CDH8: variants seen among roughly 807,000 people sequenced by gnomAD.
CDH8 encodes cadherin 8.
CDH8 carries 17 observed loss-of-function variants against 68.1 expected under a neutral mutation model. The observed-to-expected ratio is 0.25, with a 90% CI of 0.17 to 0.37. CDH8 has a LOEUF of 0.37. Among genes scored for constraint, CDH8 ranks in the 10% least tolerant of loss-of-function variants. The probability of loss-of-function intolerance (pLI) is 1.00; values close to 1 mark genes in which losing one functional copy is unlikely to be tolerated. For missense variants in CDH8, 763 were observed against 999.3 expected (o/e 0.76, Z 3.19); for synonymous variants, 372 against 365.1 (o/e 1.02, Z -0.21).
chr16:61,708,853 A>C (rs1964579184), intron 10 of CDH8, among the ~76,000 whole-genome samples: 1 of 152,208 alleles, frequency 6.6e-6, no homozygotes. Context: ...TTTATGATTC[A>C]ACATTGAAGA....
chr16:61,793,285 G>T (rs774939723), intron 7 of CDH8, among the ~76,000 whole-genome samples: 3 of 151,688 alleles, frequency 2.0e-5, no homozygotes, highest in Non-Finnish European at 4.4e-5. Flanking sequence ...AGTTACATGT[G>T]CAGGATGTGC....
chr16:62,021,527 A>T lies in CDH8; in HGVS notation c.-124T>A. ...ACTTACAGCTCTGCCACGTGTCTAT[A>T]GCACGGGAAACAGACATCATCTAAG... On this transcript the variant is annotated 5_prime_UTR_variant, in exon 2 of 12. Coordinates refer to ENST00000577390, the MANE Select transcript of CDH8 (RefSeq NM_001796.5). The T allele has an allele frequency of 6.8e-7, 1 of 1,470,518 alleles. No individual in the cohort carries two copies. Among genetic ancestry groups the T allele is most frequent in the East Asian group, 2.3e-5 (1 of 42,946 alleles). 91.1% of individuals were successfully genotyped at this position (1,470,518 alleles called of 1,614,324 possible).
intron 3 of CDH8, among the ~76,000 whole-genome samples, chr16:61,895,052 G>A (rs561536006): frequency 3.7e-4 from 56 of 151,980 alleles, no homozygotes; most frequent in Non-Finnish European, 7.1e-4. Flanking sequence ...GAATTTCTAC[G>A]TGATGTATAG....
At chr16:61,930,270 AACACACACAC>A (rs369686237) in intron 2 of CDH8, among the ~76,000 whole-genome samples, 6 of 144,354 alleles carry the variant, frequency 4.2e-5, no homozygotes, top group East Asian at 2.0e-4. Flanking sequence ...AAAGTTAGAA[AACACACACAC>A]ACACACACAC....
chr16:61,798,784 T>C (rs918588863), intron 7 of CDH8, among the ~76,000 whole-genome samples: 3 of 152,208 alleles, frequency 2.0e-5, no homozygotes, highest in Non-Finnish European at 2.9e-5. Context: ...AACACTCCTA[T>C]AGTATGTTTG....
At chr16:61,690,637 T>TTTG (rs150718158) in intron 10 of CDH8, among the ~76,000 whole-genome samples, 21 of 151,888 alleles carry the variant, frequency 1.4e-4, no homozygotes, top group South Asian at 4.2e-4. Flanking sequence ...CTTTCTGGTC[T>TTTG]TTGTTGTTGT....
intron 1 of CDH8, among the ~76,000 whole-genome samples, chr16:62,029,538 C>A (rs184349851): frequency 6.6e-6 from 1 of 152,278 alleles, no homozygotes; most frequent in Non-Finnish European, 1.5e-5. Flanking sequence ...CCAGAACGAA[C>A]CACATCTTTC....
chr16:61,816,640 A>C (rs946616066), intron 7 of CDH8, among the ~76,000 whole-genome samples: 1 of 152,140 alleles, frequency 6.6e-6, no homozygotes, highest in African/African-American at 2.4e-5. Context: ...CCAACACTTC[A>C]CCCTTGGAGA....
rs75354389 is a variant in CDH8, at chr16:61,872,346, T to C, written c.548-15108A>G. ...GTGGTTGGGATACAGATTGTTTCTA[T>C]GCATTTTACGGAGACATGAGACATA... On this transcript the variant is annotated intron_variant, in intron 3 of 11. Coordinates refer to ENST00000577390, the MANE Select transcript of CDH8 (RefSeq NM_001796.5). Among the ~76,000 whole-genome samples, 240 of 152,328 alleles carry C rather than the reference T, an allele frequency of 1.6e-3. 6 individuals carry two copies. In the East Asian group the frequency reaches 0.022, roughly 14 times the overall value.
At chr16:61,779,178 T>C (rs975402759) in intron 8 of CDH8, among the ~76,000 whole-genome samples, 3 of 152,146 alleles carry the variant, frequency 2.0e-5, no homozygotes, top group Admixed American at 2.0e-4. Context: ...CAGAGAGTTT[T>C]GAAACTTTCT....
At chr16:61,955,061 A>G (rs1039038722) in intron 2 of CDH8, among the ~76,000 whole-genome samples, 2 of 152,232 alleles carry the variant, frequency 1.3e-5, no homozygotes, top group Non-Finnish European at 2.9e-5. Flanking sequence ...CCATAGACCT[A>G]CTAAATGTGT....
intron 10 of CDH8, among the ~76,000 whole-genome samples, chr16:61,664,421 T>C (rs1450950137): frequency 6.6e-6 from 1 of 151,942 alleles, no homozygotes; most frequent in East Asian, 1.9e-4. Context: ...CAGCAAATAT[T>C]TGCTGAATAA....
chr16:61,854,972 T>C (rs1963014000), intron 4 of CDH8, among the ~76,000 whole-genome samples: 1 of 152,184 alleles, frequency 6.6e-6, no homozygotes, highest in Non-Finnish European at 1.5e-5. Context: ...TTATGTTTCA[T>C]CTAAAGAACT....
chr16:61,669,005 G>T (rs1019631193), intron 10 of CDH8, among the ~76,000 whole-genome samples: 1 of 152,016 alleles, frequency 6.6e-6, no homozygotes, highest in Non-Finnish European at 1.5e-5. Flanking sequence ...CTTTAATACT[G>T]TGAATAGAGA....
chr16:61,927,669 G>A (rs532576150), intron 2 of CDH8, among the ~76,000 whole-genome samples: 18 of 152,184 alleles, frequency 1.2e-4, no homozygotes, highest in South Asian at 2.1e-4. Context: ...GTGGCACCCC[G>A]TCAGGCACCC....
chr16:61,704,103 G>T (rs1210853020), intron 10 of CDH8, among the ~76,000 whole-genome samples: 1 of 151,986 alleles, frequency 6.6e-6, no homozygotes. Context: ...AAACTTTTTT[G>T]GACAATCCCT....
chr16:62,009,384 C>T (rs921119126), intron 2 of CDH8, among the ~76,000 whole-genome samples: 2 of 152,154 alleles, frequency 1.3e-5, no homozygotes, highest in Non-Finnish European at 2.9e-5. Context: ...AGTCACTGCA[C>T]AGAGCTAAGT....
chr16:61,874,651 T>C (rs1219420370), intron 3 of CDH8, among the ~76,000 whole-genome samples: 1 of 152,184 alleles, frequency 6.6e-6, no homozygotes, highest in Non-Finnish European at 1.5e-5. Flanking sequence ...TACAAGCATC[T>C]GTATTCAGTA....
chr16:61,815,496 G>T (rs1962052184), intron 7 of CDH8, among the ~76,000 whole-genome samples: 1 of 152,170 alleles, frequency 6.6e-6, no homozygotes, highest in Non-Finnish European at 1.5e-5. Flanking sequence ...TGGCATGAAA[G>T]TTCCTTAAGC....
Sources: allele counts gnomAD v4.1 joint callset (sites outside exome capture counted in the v4.1 genomes callset), GRCh38; gene constraint gnomAD v4.1.1; transcripts MANE v1.5; gene names NCBI Gene and HGNC (gene_info 2026-07-23, HGNC 2026-07-21).